FMN1: variants seen among roughly 807,000 people sequenced by gnomAD.
FMN1 encodes formin-1.
A neutral mutation model predicts 132.4 loss-of-function variants in FMN1; 110 were observed. That is an observed-to-expected ratio of 0.83 (90% confidence interval 0.71 to 0.97). FMN1 has a LOEUF of 0.97. Ranked by LOEUF, FMN1 falls within the 50% of genes least tolerant of loss-of-function variation. The pLI, the probability that FMN1 is intolerant of heterozygous loss-of-function variation, is 0.00. For synonymous variants in FMN1, 722 were observed against 651.7 expected (o/e 1.11, Z -1.64); for missense variants, 1,792 against 1,705.3 (o/e 1.05, Z -0.90).
chr15:32,944,864 T>G (rs981576743), intron 9 of FMN1, among the ~76,000 whole-genome samples: 1 of 152,106 alleles, frequency 6.6e-6, no homozygotes, highest in Non-Finnish European at 1.5e-5. Context: ...CAAAATCACA[T>G]GCTTTTTCCT....
chr15:33,015,622 G>A (rs1399010684), intron 6 of FMN1, among the ~76,000 whole-genome samples: 1 of 152,042 alleles, frequency 6.6e-6, no homozygotes, highest in African/African-American at 2.4e-5. Flanking sequence ...CCTACCCGCG[G>A]ATCCTGATAT....
At chr15:33,034,565 A>G (rs1177119086) in intron 6 of FMN1, among the ~76,000 whole-genome samples, 2 of 152,302 alleles carry the variant, frequency 1.3e-5, no homozygotes, top group East Asian at 3.9e-4. Flanking sequence ...CAACAGAGAG[A>G]GACCTTGTCT....
chr15:33,007,964 A>T, intron 7 of FMN1, 50 bp downstream of exon 7: 1 of 1,479,324 alleles, frequency 6.8e-7, no homozygotes, highest in Non-Finnish European at 9.3e-7. Context: ...ATAGGAGAAA[A>T]CCAAGTATCA....
At chr15:33,026,048 A>G (rs1452145340) in intron 6 of FMN1, among the ~76,000 whole-genome samples, 3 of 152,094 alleles carry the variant, frequency 2.0e-5, no homozygotes, top group South Asian at 2.1e-4. Flanking sequence ...ACACTGTGAC[A>G]GCATCTGAAT....
chr15:32,951,450 CACACACAT>C (rs1315342732), intron 9 of FMN1, among the ~76,000 whole-genome samples: 3 of 146,560 alleles, frequency 2.0e-5, no homozygotes, highest in South Asian at 2.1e-4. Context: ...CACACACACA[CACACACAT>C]CCACGCACAC....
intron 4 of FMN1, among the ~76,000 whole-genome samples, chr15:33,116,900 C>A (rs141651236): frequency 1.3e-4 from 20 of 151,678 alleles, no homozygotes; most frequent in African/African-American, 4.8e-4. Flanking sequence ...TTAAAGAAAA[C>A]GAAGTACTTG....
intron 19 of FMN1, among the ~76,000 whole-genome samples, chr15:32,785,646 GC>G (rs1356305418): frequency 1.1e-4 from 17 of 152,198 alleles, no homozygotes; most frequent in African/African-American, 4.1e-4. Flanking sequence ...TACATTACTT[GC>G]TTTTGTATTG....
intron 5 of FMN1, among the ~76,000 whole-genome samples, chr15:33,065,978 C>T (rs922870556): frequency 4.6e-5 from 7 of 152,102 alleles, no homozygotes; most frequent in Admixed American, 2.6e-4. Flanking sequence ...TCAAGGTTAC[C>T]CAGCCAGTAA....
intron 16 of FMN1, among the ~76,000 whole-genome samples, chr15:32,871,653 A>C (rs1348456164): frequency 6.6e-6 from 1 of 152,230 alleles, no homozygotes; most frequent in Admixed American, 6.5e-5. Context: ...AAAAGATACA[A>C]GAAATGAAAT....
chr15:32,780,028 T>A (rs1176660332), intron 19 of FMN1, among the ~76,000 whole-genome samples: 1 of 152,192 alleles, frequency 6.6e-6, no homozygotes, highest in African/African-American at 2.4e-5. Flanking sequence ...CTCAGCCCTA[T>A]CACTTATTAA....
chr15:32,869,168 G>A (rs1204929775), intron 16 of FMN1, among the ~76,000 whole-genome samples: 1 of 152,190 alleles, frequency 6.6e-6, no homozygotes, highest in Non-Finnish European at 1.5e-5. Context: ...GGTGTAGCAT[G>A]TCTGGAGCTG....
rs147192502 is a variant in FMN1 at position 32,837,777 on chromosome 15, T to A, written c.3928+19238A>T. ...TTCTTTTTTTCCTCAGAGTCTCACA[T>A]ATAGTAGATAACTTATAAATGCTGA... On this transcript the variant is annotated intron_variant, in intron 17 of 20. Coordinates refer to ENST00000616417, the MANE Select transcript of FMN1 (RefSeq NM_001277313.2). Among the ~76,000 whole-genome samples, 94 of 152,336 alleles carry A rather than the reference T, an allele frequency of 6.2e-4. 2 individuals carry two copies. In the East Asian group the frequency reaches 0.016, roughly 27 times the overall value.
rs75244690 is a variant in FMN1, at chr15:32,885,749, T to C, written c.3835+2423A>G. ...ACAACTTCTACTTAAATCAGTGACA[T>C]TAGTATGACCAATAACCATAGGTTA... On this transcript the variant is annotated intron_variant, in intron 16 of 20. Coordinates refer to ENST00000616417, the MANE Select transcript of FMN1 (RefSeq NM_001277313.2). 2.6e-3 allele frequency among the ~76,000 whole-genome samples: 397 copies of C among 152,284 alleles called. 2 individuals carry two copies. The highest frequency in any genetic ancestry group is 9.4e-3 in the African/African-American group (389 of 41,562).
At chr15:33,155,537 C>T (rs560988210) in intron 3 of FMN1, among the ~76,000 whole-genome samples, 4 of 152,250 alleles carry the variant, frequency 2.6e-5, no homozygotes, top group African/African-American at 4.8e-5. Context: ...CTCAAATTAT[C>T]GATTCAACTT....
At chr15:33,041,283 A>G (rs1008333183) in intron 6 of FMN1, among the ~76,000 whole-genome samples, 3 of 152,000 alleles carry the variant, frequency 2.0e-5, no homozygotes, top group Admixed American at 1.3e-4. Context: ...TTCAACCCGT[A>G]ACACCTAACT....
At chr15:33,108,988 T>C (rs955379273) in intron 4 of FMN1, among the ~76,000 whole-genome samples, 1 of 152,084 alleles carries the variant, frequency 6.6e-6, no homozygotes, top group Non-Finnish European at 1.5e-5. Context: ...TCCAGTCTAA[T>C]ACTAAAAATG....
chr15:32,965,117 G>A (rs1316656090), intron 8 of FMN1, among the ~76,000 whole-genome samples: 1 of 152,130 alleles, frequency 6.6e-6, no homozygotes, highest in South Asian at 2.1e-4. Flanking sequence ...ATGTTTACTG[G>A]TCAGGCATGG....
At chr15:32,895,740 AGTTT>A (rs1228632909) in intron 15 of FMN1, among the ~76,000 whole-genome samples, 1 of 121,268 alleles carries the variant, frequency 8.2e-6, no homozygotes, top group Non-Finnish European at 1.7e-5. Context: ...TAAGGAAGAA[AGTTT>A]TTTTTCTTGT....
At chr15:32,946,802 GT>G (rs1330624954) in intron 9 of FMN1, among the ~76,000 whole-genome samples, 1 of 152,176 alleles carries the variant, frequency 6.6e-6, no homozygotes, top group Non-Finnish European at 1.5e-5. Flanking sequence ...GACAGGAATG[GT>G]TAAGAAGCTA....
Sources: gnomAD v4.1 joint callset for allele counts (sites outside exome capture counted in the v4.1 genomes callset) on GRCh38, gnomAD v4.1.1 for gene constraint, MANE v1.5 for transcripts, NCBI Gene and HGNC (gene_info 2026-07-23, HGNC 2026-07-21) for gene names.